SEMA3A: variants seen among roughly 807,000 people sequenced by gnomAD.
SEMA3A encodes the protein semaphorin-3A.
Under a neutral mutation model 97.9 loss-of-function variants are expected in SEMA3A, and 29 were observed. The ratio of observed to expected loss-of-function variants is 0.30; its 90% CI spans 0.22 to 0.40. SEMA3A has a LOEUF of 0.40. Ranked by LOEUF, SEMA3A falls within the 10% of genes least tolerant of loss-of-function variation. The pLI, the probability that SEMA3A is intolerant of heterozygous loss-of-function variation, is 1.00. For missense variants in SEMA3A, 763 were observed against 951.3 expected, an observed-to-expected ratio of 0.80 and a Z score of 2.60; for synonymous variants, 321 against 323.7, an observed-to-expected ratio of 0.99 and a Z score of 0.09.
chr7:84,155,574 T>C (rs1584050942), intron 1 of SEMA3A, among the ~76,000 whole-genome samples: 1 of 152,178 alleles, frequency 6.6e-6, no homozygotes, highest in Non-Finnish European at 1.5e-5. Flanking sequence ...GGTTACCAAA[T>C]GCAGTGTTCT....
At chr7:84,351,752 C>G (rs1051398489) in intron 2 of SEMA3A, among the ~76,000 whole-genome samples, 1 of 151,968 alleles carries the variant, frequency 6.6e-6, no homozygotes, top group Non-Finnish European at 1.5e-5. Flanking sequence ...AAAGAGAACC[C>G]TTGTACACTG....
chr7:84,389,800 A>C (rs1216439887), intron 1 of SEMA3A, among the ~76,000 whole-genome samples: 1 of 152,166 alleles, frequency 6.6e-6, no homozygotes, highest in East Asian at 1.9e-4. Flanking sequence ...AAAAGTTTAT[A>C]AAATTATACA....
intron 2 of SEMA3A, among the ~76,000 whole-genome samples, chr7:84,323,225 T>C (rs1801693844): frequency 6.6e-6 from 1 of 152,178 alleles, no homozygotes; most frequent in Admixed American, 6.6e-5. Flanking sequence ...TAATTGTGCG[T>C]TTTGTTCTAT....
chr7:84,270,046 A>G (rs1355354432), intron 3 of SEMA3A, among the ~76,000 whole-genome samples: 2 of 152,132 alleles, frequency 1.3e-5, no homozygotes, highest in African/African-American at 4.8e-5. Context: ...TTAAAGCAGG[A>G]ATATTTAAAT....
intron 13 of SEMA3A, among the ~76,000 whole-genome samples, chr7:83,981,801 T>C (rs1449826754): frequency 6.6e-6 from 1 of 152,172 alleles, no homozygotes; most frequent in Non-Finnish European, 1.5e-5. Context: ...TTTTTTACCT[T>C]TACTGTATAT....
intron 3 of SEMA3A, among the ~76,000 whole-genome samples, chr7:84,211,488 G>A (rs1366021715): frequency 1.3e-5 from 2 of 151,906 alleles, no homozygotes; most frequent in African/African-American, 2.4e-5. Context: ...GGGCATGCTG[G>A]TGCATGCCTG....
intron 5 of SEMA3A, among the ~76,000 whole-genome samples, chr7:84,050,737 G>A (rs890857451): frequency 6.6e-6 from 1 of 152,104 alleles, no homozygotes; most frequent in African/African-American, 2.4e-5. Flanking sequence ...GTTGATTTTG[G>A]CTTTTGTTGC....
chr7:84,178,871 A>G (rs1245834406), intron 1 of SEMA3A, among the ~76,000 whole-genome samples: 1 of 152,134 alleles, frequency 6.6e-6, no homozygotes, highest in Non-Finnish European at 1.5e-5. Flanking sequence ...TGAACATTTA[A>G]TCAGATGCTG....
At chr7:84,448,543 C>A (rs1184835688) in intron 1 of SEMA3A, among the ~76,000 whole-genome samples, 1 of 151,670 alleles carries the variant, frequency 6.6e-6, no homozygotes, top group South Asian at 2.1e-4. Context: ...ATGAAGAAAG[C>A]AATTTCATGT....
chr7:84,135,116 CT>C lies in SEMA3A; in HGVS notation c.113-166del, dbSNP rs34940395. 0.47 allele frequency among the ~76,000 whole-genome samples: 62,295 copies of C among 133,590 alleles called. 14,164 individuals carry two copies. The highest frequency in any genetic ancestry group is 0.66 in the East Asian group (2,950 of 4,486). 87.6% of individuals were successfully genotyped at this position (133,590 alleles called of 152,430 possible). A position where few individuals can be genotyped will look rare whatever the true frequency, so the allele number is the denominator to read the frequency against. Reference sequence around the variant, plus strand: ...TTGGAACCAAAATGTGTGCATTTTACTTTTTTTTTTTTTTTTTGAGATGGAG... The same window carrying C: ...TTGGAACCAAAATGTGTGCATTTTACTTTTTTTTTTTTTTTTGAGATGGAG... On this transcript the variant is annotated intron_variant, in intron 1 of 16. Coordinates refer to ENST00000265362, the MANE Select transcript of SEMA3A (RefSeq NM_006080.3).
At chr7:84,094,476 C>T (rs1344941994) in intron 4 of SEMA3A, among the ~76,000 whole-genome samples, 1 of 152,014 alleles carries the variant, frequency 6.6e-6, no homozygotes, top group African/African-American at 2.4e-5. Context: ...GCTCCGCTGG[C>T]ATTATTATAT....
At chr7:83,987,480 C>G (rs1284362479) in intron 12 of SEMA3A, among the ~76,000 whole-genome samples, 3 of 152,088 alleles carry the variant, frequency 2.0e-5, no homozygotes, top group Non-Finnish European at 4.4e-5. Flanking sequence ...GAAAAAGATT[C>G]CTCATAGGAA....
chr7:84,211,418 C>T (rs1368175837), intron 3 of SEMA3A, among the ~76,000 whole-genome samples: 1 of 151,324 alleles, frequency 6.6e-6, no homozygotes, highest in Non-Finnish European at 1.5e-5. Context: ...CGAGACCAGC[C>T]TGGCCAACAT....
At position 84,457,597 on chromosome 7, in the gene SEMA3A, G is replaced by T. The variant is rs1049063838; in HGVS notation, c.-246+34863C>A. Among the ~76,000 whole-genome samples, 3 of 151,852 alleles carry T rather than the reference G, an allele frequency of 2.0e-5. No individual in the cohort carries two copies. The South Asian group carries it at 6.2e-4, about 31-fold the overall frequency. ...ACTAGAAAATATTTTGTTCAGATGAGGCATTTCTGCCAGATTAAAAAACAT... is the reference window on the plus strand; with the variant it reads ...ACTAGAAAATATTTTGTTCAGATGATGCATTTCTGCCAGATTAAAAAACAT... On this transcript the variant is annotated intron_variant, in intron 1 of 3. Transcript: ENST00000424555.
At chr7:84,414,445 C>A (rs1030963548) in intron 1 of SEMA3A, among the ~76,000 whole-genome samples, 1 of 149,434 alleles carries the variant, frequency 6.7e-6, no homozygotes, top group African/African-American at 2.5e-5. Context: ...CAACACCCCA[C>A]AAATGGCTTG....
intron 1 of SEMA3A, among the ~76,000 whole-genome samples, chr7:84,166,954 T>C (rs1797231256): frequency 9.1e-6 from 1 of 109,428 alleles, no homozygotes; most frequent in South Asian, 2.7e-4. Context: ...CAATGTATTC[T>C]ATATAAATTT....
intron 1 of SEMA3A, among the ~76,000 whole-genome samples, chr7:84,470,631 A>G (rs917031428): frequency 2.6e-5 from 4 of 152,146 alleles, no homozygotes; most frequent in African/African-American, 9.6e-5. Context: ...TATACAGATC[A>G]TGGCTAATAC....
intron 1 of SEMA3A, among the ~76,000 whole-genome samples, chr7:84,372,895 A>G (rs759023120): frequency 1.2e-4 from 18 of 152,144 alleles, no homozygotes; most frequent in Non-Finnish European, 2.5e-4. Context: ...AAAGGGGAAC[A>G]GCATATTTCC....
chr7:83,988,526 C>A (rs1789737185), intron 12 of SEMA3A, among the ~76,000 whole-genome samples: 7 of 152,066 alleles, frequency 4.6e-5, no homozygotes, highest in Admixed American at 4.6e-4. Flanking sequence ...TGTAGAACTG[C>A]AGATCTCTAC....
Sources: allele counts gnomAD v4.1 joint callset (sites outside exome capture counted in the v4.1 genomes callset), GRCh38; gene constraint gnomAD v4.1.1; transcripts MANE v1.5; gene names NCBI Gene and HGNC (gene_info 2026-07-23, HGNC 2026-07-21).